USP54: variants seen among roughly 807,000 people sequenced by gnomAD.
USP54 encodes ubiquitin carboxyl-terminal hydrolase 54.
In USP54, 87 loss-of-function variants were observed where a neutral mutation model predicts 170.5. The observed-to-expected ratio is 0.51, with a 90% CI of 0.43 to 0.61. The LOEUF (loss-of-function observed/expected upper bound fraction) is 0.61, where lower values mean the gene tolerates loss of function less well. Ranked by LOEUF, USP54 falls within the 20% of genes least tolerant of loss-of-function variation. The pLI, the probability that USP54 is intolerant of heterozygous loss-of-function variation, is 0.00. For synonymous variants in USP54, 655 were observed against 742.8 expected (o/e 0.88, Z 1.92); for missense variants, 1,786 against 2,047.8 (o/e 0.87, Z 2.47).
chr10:73,505,635 C>G (rs555429083), intron 20 of USP54: 271 of 402,040 alleles, frequency 6.7e-4, no homozygotes, highest in Middle Eastern at 1.4e-3. Flanking sequence ...CTTTGGGAGG[C>G]CAACACGGGC....
intron 1 of USP54, among the ~76,000 whole-genome samples, chr10:73,620,008 G>A (rs1446852531): frequency 6.6e-6 from 1 of 150,482 alleles, no homozygotes; most frequent in African/African-American, 2.5e-5. Flanking sequence ...CTTTGGGTAA[G>A]TCATTTAAAA....
upstream of USP54, among the ~76,000 whole-genome samples, chr10:73,595,936 A>G (rs1475086617): frequency 6.7e-6 from 1 of 149,612 alleles, no homozygotes; most frequent in Non-Finnish European, 1.5e-5. Context: ...ATGGTGAAAA[A>G]CCCGTCTTGA....
chr10:73,589,880 T>G (rs2078026411), intron 1 of USP54, among the ~76,000 whole-genome samples: 2 of 152,146 alleles, frequency 1.3e-5, no homozygotes, highest in South Asian at 4.1e-4. Flanking sequence ...AGGAATGAAA[T>G]CTACTCTAAC....
intron 4 of USP54, among the ~76,000 whole-genome samples, chr10:73,550,341 A>T (rs1264841850): frequency 1.3e-5 from 2 of 152,178 alleles, no homozygotes; most frequent in African/African-American, 4.8e-5. Context: ...CTAGATATGT[A>T]TGGCTCAATC....
chr10:73,538,720 G>C lies in USP54; in HGVS notation c.975+724C>G, dbSNP rs377195541. ...ACAGCTACTCAAAAGACTAAGGTGA[G>C]AGAATTGCTTAAACCTGGAAAATAA... On this transcript the variant is annotated intron_variant, in intron 10 of 23. Coordinates refer to ENST00000687698, the MANE Select transcript of USP54 (RefSeq NM_001391956.1). 1.1e-4 allele frequency among the ~76,000 whole-genome samples: 17 copies of C among 152,262 alleles called. No individual in the cohort carries two copies. The East Asian group carries it at 1.5e-3, about 14-fold the overall frequency.
rs765407646 is a variant in USP54 at position 73,498,940 on chromosome 10, G to T, written c.4744C>A (p.Pro1582Thr). Residue 1582 changes from proline (P) to threonine (T), a missense_variant, in exon 24 of 24, where the codon CCT becomes ACT. Pro to Thr is a conservative substitution (Grantham distance 38). Coordinates refer to ENST00000687698, the MANE Select transcript of USP54 (RefSeq NM_001391956.1). Reference sequence around the variant, plus strand: ...AGATCACTCCAGGACTGAGTGTGAGGAACCTGAAGGCCCTTGCTTCTTTCT... The same window carrying T: ...AGATCACTCCAGGACTGAGTGTGAGTAACCTGAAGGCCCTTGCTTCTTTCT... ...LPERSKGLQVPHTQSWSDLFH... is the reference protein window; with the variant it reads ...LPERSKGLQVTHTQSWSDLFH... 1 of 1,614,148 alleles carries T rather than the reference G, an allele frequency of 6.2e-7. No individual in the cohort carries two copies. Among genetic ancestry groups the T allele is most frequent in the South Asian group, 1.1e-5 (1 of 91,080 alleles).
At chr10:73,530,914 T>G in intron 12 of USP54, 79 bp from the exon 13 acceptor site, 2 of 1,577,286 alleles carry the variant, frequency 1.3e-6, no homozygotes, top group Non-Finnish European at 1.7e-6. Flanking sequence ...TAATCTCCCT[T>G]TGGGAGTGCC....
chr10:73,621,557 G>T (rs997374369), intron 1 of USP54, among the ~76,000 whole-genome samples: 4 of 138,750 alleles, frequency 2.9e-5, no homozygotes, highest in African/African-American at 1.1e-4. Flanking sequence ...CCAAGATTGC[G>T]CCACTGTACT....
intron 1 of USP54, among the ~76,000 whole-genome samples, chr10:73,620,820 T>A (rs1281393660): frequency 6.7e-6 from 1 of 149,776 alleles, no homozygotes; most frequent in Non-Finnish European, 1.5e-5. Context: ...GCACCTGTAA[T>A]CCCAGCTACT....
At chr10:73,572,889 A>T (rs545521109) in intron 3 of USP54, among the ~76,000 whole-genome samples, 50 of 152,318 alleles carry the variant, frequency 3.3e-4, no homozygotes, top group African/African-American at 1.2e-3. Flanking sequence ...CAAAAATGGG[A>T]CTATGGCCAA....
intron 23 of USP54, among the ~76,000 whole-genome samples, chr10:73,500,190 C>A (rs1435147778): frequency 6.6e-6 from 1 of 152,214 alleles, no homozygotes; most frequent in African/African-American, 2.4e-5. Flanking sequence ...TGGGTCTGTA[C>A]ACATGGTGTG....
intron 4 of USP54, among the ~76,000 whole-genome samples, chr10:73,554,146 A>G (rs1486256068): frequency 3.3e-5 from 5 of 152,226 alleles, no homozygotes; most frequent in African/African-American, 1.2e-4. Flanking sequence ...ATCTAAAAGA[A>G]GTCATGAGTA....
intron 1 of USP54, among the ~76,000 whole-genome samples, chr10:73,585,398 G>A (rs1289203266): frequency 6.6e-6 from 1 of 152,206 alleles, no homozygotes; most frequent in Non-Finnish European, 1.5e-5. Flanking sequence ...CATCTGCTCA[G>A]CTTCTGGCAA....
intron 20 of USP54, among the ~76,000 whole-genome samples, chr10:73,510,808 TA>T (rs1337684867): frequency 6.6e-6 from 1 of 152,204 alleles, no homozygotes; most frequent in Non-Finnish European, 1.5e-5. Context: ...GTTAATTTTT[TA>T]TTTTTTAGAT....
chr10:73,575,827 A>G lies in USP54; in HGVS notation c.-47T>C. 1.4e-6 allele frequency: 1 copy of G among 717,620 alleles called. No individual in the cohort carries two copies. The highest frequency in any genetic ancestry group is 2.1e-6 in the Non-Finnish European group (1 of 471,248). 44.5% of individuals were successfully genotyped at this position (717,620 alleles called of 1,614,324 possible). On this transcript the variant is annotated 5_prime_UTR_variant, in exon 2 of 24. Coordinates refer to ENST00000687698, the MANE Select transcript of USP54 (RefSeq NM_001391956.1). ...CAAATATCATCTGTGTAGTCAAGGG[A>G]CTCAGGTATCCTCCTAGATCAAGAT... is the stretch of plus-strand genomic sequence containing the variant.
chr10:73,570,903 C>T (rs1297374305), intron 4 of USP54, among the ~76,000 whole-genome samples: 1 of 151,968 alleles, frequency 6.6e-6, no homozygotes, highest in Non-Finnish European at 1.5e-5. Flanking sequence ...TTTGGGAGGC[C>T]GAGGCAGGCA....
chr10:73,566,203 C>T (rs1035931722), intron 4 of USP54, among the ~76,000 whole-genome samples: 6 of 151,894 alleles, frequency 4.0e-5, no homozygotes, highest in African/African-American at 1.5e-4. Context: ...GCACTCCAGC[C>T]TGGGCAACAA....
Position 73,545,617 on chromosome 10 carries a change from A to C in USP54, c.296T>G (p.Leu99Arg). ...SSEKVLPSDT[L>R]RSALAKTFQD... ...GAAAGTCTTTGCCAGAGCACTGCGGAGAGTGTCAGATGGAAGCACTTTTTC... is the reference window on the plus strand; with the variant it reads ...GAAAGTCTTTGCCAGAGCACTGCGGCGAGTGTCAGATGGAAGCACTTTTTC... The change falls in exon 5 of 24, where the codon CTC becomes CGC. Residue 99 changes from leucine to arginine, a missense_variant. Physicochemically the swap from Leu to Arg is moderately radical, Grantham distance 102. Coordinates refer to ENST00000687698, the MANE Select transcript of USP54 (RefSeq NM_001391956.1). 1.2e-6 allele frequency: 2 copies of C among 1,614,222 alleles called. No homozygotes were observed. Among genetic ancestry groups the C allele is most frequent in the Non-Finnish European group, 1.7e-6 (2 of 1,180,030 alleles).
intron 1 of USP54, among the ~76,000 whole-genome samples, chr10:73,624,068 T>C (rs2132375491): frequency 6.7e-6 from 1 of 148,278 alleles, no homozygotes; most frequent in South Asian, 2.1e-4. Context: ...GCTGCTGACA[T>C]TACAAATTAG....
Sources: gnomAD v4.1 joint callset for allele counts (sites outside exome capture counted in the v4.1 genomes callset) on GRCh38, gnomAD v4.1.1 for gene constraint, MANE v1.5 for transcripts, NCBI Gene and HGNC (gene_info 2026-07-23, HGNC 2026-07-21) for gene names.